Variants in AMBRA1 observed in about 807,000 individuals in gnomAD.
AMBRA1 encodes the protein activating molecule in BECN1-regulated autophagy protein 1.
A neutral mutation model predicts 125.4 loss-of-function variants in AMBRA1; 47 were observed. That is an observed-to-expected ratio of 0.37 (90% CI 0.30 to 0.48). The LOEUF (loss-of-function observed/expected upper bound fraction) is 0.48. AMBRA1 is among the 20% of genes least tolerant of loss of function. The probability of loss-of-function intolerance (pLI) is 0.99; values close to 1 mark genes in which losing one functional copy is unlikely to be tolerated. For synonymous variants in AMBRA1, 626 were observed against 655.5 expected, an observed-to-expected ratio of 0.95 and a Z score of 0.69; for missense variants, 1,331 against 1,693.4, an observed-to-expected ratio of 0.79 and a Z score of 3.76.
chr11:46,561,358 G>GT (rs1421869268), intron 1 of AMBRA1, among the ~76,000 whole-genome samples: 1 of 150,502 alleles, frequency 6.6e-6, no homozygotes, highest in African/African-American at 2.4e-5. Flanking sequence ...TCCAGCCTAG[G>GT]TAACAAAGTG....
chr11:46,480,058 G>C (rs1443452655), intron 11 of AMBRA1, among the ~76,000 whole-genome samples: 1 of 152,154 alleles, frequency 6.6e-6, no homozygotes, highest in African/African-American at 2.4e-5. Flanking sequence ...CTAGCTGTTA[G>C]CAGAGGCCAT....
At chr11:46,553,295 T>C (rs2043066183) in intron 1 of AMBRA1, among the ~76,000 whole-genome samples, 1 of 152,104 alleles carries the variant, frequency 6.6e-6, no homozygotes, top group East Asian at 1.9e-4. Flanking sequence ...AGCCAAACAA[T>C]AATTGGCTCT....
chr11:46,516,140 C>T (rs984978411), intron 7 of AMBRA1, among the ~76,000 whole-genome samples: 18 of 152,090 alleles, frequency 1.2e-4, no homozygotes, highest in Admixed American at 5.9e-4. Flanking sequence ...CTACTTACTA[C>T]GGAATGTGTT....
At chr11:46,443,123 G>A (rs1205190644) in intron 12 of AMBRA1, among the ~76,000 whole-genome samples, 3 of 152,204 alleles carry the variant, frequency 2.0e-5, no homozygotes. Flanking sequence ...AGATTTCTCT[G>A]CTCTGAAGAG....
chr11:46,445,311 T>A (rs1222257764), intron 11 of AMBRA1, among the ~76,000 whole-genome samples: 1 of 152,036 alleles, frequency 6.6e-6, no homozygotes, highest in Non-Finnish European at 1.5e-5. Flanking sequence ...TCTTGCAAAT[T>A]CAAAGACATA....
intron 11 of AMBRA1, among the ~76,000 whole-genome samples, chr11:46,479,359 G>A (rs899059707): frequency 6.6e-6 from 1 of 152,086 alleles, no homozygotes; most frequent in Non-Finnish European, 1.5e-5. Flanking sequence ...TCCTGGTTTG[G>A]GGCTTACCCA....
chr11:46,508,568 G>T (rs540291386), intron 8 of AMBRA1, among the ~76,000 whole-genome samples, 198 bp from the exon 9 acceptor site: 2 of 152,334 alleles, frequency 1.3e-5, no homozygotes, highest in East Asian at 3.9e-4. Context: ...CAGTGTTTCT[G>T]TTCTGAGATA....
intron 7 of AMBRA1, among the ~76,000 whole-genome samples, chr11:46,532,343 A>T (rs1350578643): frequency 6.6e-6 from 1 of 152,220 alleles, no homozygotes; most frequent in Non-Finnish European, 1.5e-5. Flanking sequence ...AGAATAAAAC[A>T]AAAGTTTTTC....
chr11:46,508,037 A>G (rs1290966734), intron 9 of AMBRA1, among the ~76,000 whole-genome samples, 154 bp downstream of exon 9: 1 of 152,200 alleles, frequency 6.6e-6, no homozygotes, highest in Non-Finnish European at 1.5e-5. Context: ...TGGGCATCTT[A>G]ACCCTCTGTC....
At chr11:46,581,137 T>C (rs976410803) in intron 1 of AMBRA1, among the ~76,000 whole-genome samples, 3 of 152,006 alleles carry the variant, frequency 2.0e-5, no homozygotes, top group East Asian at 1.9e-4. Context: ...ATGATACTCA[T>C]GCTTAAAACC....
chr11:46,521,117 C>T (rs1043576998), intron 7 of AMBRA1, among the ~76,000 whole-genome samples: 6 of 152,174 alleles, frequency 3.9e-5, no homozygotes, highest in Non-Finnish European at 8.8e-5. Context: ...GCAAGAAGAC[C>T]TATCTGGTTG....
chr11:46,429,961 A>G (rs1947374083), intron 14 of AMBRA1, among the ~76,000 whole-genome samples: 1 of 152,126 alleles, frequency 6.6e-6, no homozygotes, highest in Admixed American at 6.5e-5. Context: ...TAGCATATCC[A>G]GTCTGGAGGA....
At chr11:46,522,122 T>C (rs1238792216) in intron 7 of AMBRA1, among the ~76,000 whole-genome samples, 2 of 152,350 alleles carry the variant, frequency 1.3e-5, no homozygotes, top group Middle Eastern at 3.4e-3. Flanking sequence ...TGTGCAATCA[T>C]GTATCTAGCA....
At chr11:46,481,064 G>A (rs1261926658) in intron 11 of AMBRA1, among the ~76,000 whole-genome samples, 1 of 152,174 alleles carries the variant, frequency 6.6e-6, no homozygotes, top group African/African-American at 2.4e-5. Context: ...TGACTTCCCT[G>A]TGCCTGGGTC....
intron 1 of AMBRA1, among the ~76,000 whole-genome samples, chr11:46,585,117 CAAGATGTGCTTTGTTA>C (rs2044320508): frequency 6.6e-6 from 1 of 152,038 alleles, no homozygotes; most frequent in Non-Finnish European, 1.5e-5. Flanking sequence ...AAGGGCGGTG[CAAGATGTGCTTTGTTA>C]AACAGATGCT....
chr11:46,516,322 G>A (rs1951479533), intron 7 of AMBRA1, among the ~76,000 whole-genome samples: 1 of 151,638 alleles, frequency 6.6e-6, no homozygotes, highest in South Asian at 2.1e-4. Flanking sequence ...GTAAAAATAG[G>A]CTTCTCCAAT....
At chr11:46,468,828 A>G (rs1460552354) in intron 11 of AMBRA1, among the ~76,000 whole-genome samples, 1 of 148,242 alleles carries the variant, frequency 6.7e-6, no homozygotes, top group Non-Finnish European at 1.5e-5. Flanking sequence ...AAAAAAAAAA[A>G]GAAAAAAGAA....
At chr11:46,404,531 C>T (rs773055209) in intron 17 of AMBRA1, among the ~76,000 whole-genome samples, 1 of 152,220 alleles carries the variant, frequency 6.6e-6, no homozygotes, top group Non-Finnish European at 1.5e-5. Context: ...CCACACCTCC[C>T]CTGCCCTGAC....
intron 1 of AMBRA1, among the ~76,000 whole-genome samples, chr11:46,585,687 A>AT (rs2044353331): frequency 1.6e-4 from 5 of 31,220 alleles, no homozygotes; most frequent in African/African-American, 2.8e-4. Context: ...AAAAAAAAAA[A>AT]AAAAAAAAAT....
Sources: gnomAD v4.1 joint callset for allele counts (sites outside exome capture counted in the v4.1 genomes callset) on GRCh38, gnomAD v4.1.1 for gene constraint, MANE v1.5 for transcripts, NCBI Gene and HGNC (gene_info 2026-07-23, HGNC 2026-07-21) for gene names.